PHRF1: variants seen among roughly 807,000 people sequenced by gnomAD.
The protein encoded by PHRF1 is PHD and RING finger domain-containing protein 1.
Under a neutral mutation model 128.9 loss-of-function variants are expected in PHRF1, and 53 were observed. That is an observed-to-expected ratio of 0.41 (90% CI 0.33 to 0.52). PHRF1 has a LOEUF of 0.52. Among genes scored for constraint, PHRF1 ranks in the 20% least tolerant of loss-of-function variants. The probability of loss-of-function intolerance (pLI) is 0.21; values close to 1 mark genes in which losing one functional copy is unlikely to be tolerated. For synonymous variants in PHRF1, 1,178 were observed against 980.6 expected (o/e 1.20, Z -3.76); for missense variants, 2,503 against 2,284.5 (o/e 1.10, Z -1.95).
intron 6 of PHRF1, among the ~76,000 whole-genome samples, chr11:595,573 A>G (rs1315677657): frequency 2.0e-5 from 3 of 152,108 alleles, no homozygotes; most frequent in Admixed American, 1.3e-4. Flanking sequence ...AGGTCTCGGC[A>G]GCCCTCCTTG....
At position 597,022 on chromosome 11, in the gene PHRF1, T is replaced by A. The variant is rs1170994673; in HGVS notation, c.718+2T>A. The A allele has an allele frequency of 6.2e-7, 1 of 1,613,210 alleles. No homozygotes were observed. The highest frequency in any genetic ancestry group is 1.3e-5 in the African/African-American group (1 of 74,882). ...CGCCTGGTGTTGTCCTTGCCGCTGG[T>A]AAGGACACTGCTCCCGTCCCAAGGC... On this transcript the variant is annotated splice_donor_variant, in intron 7 of 17. Coordinates refer to ENST00000264555, the MANE Select transcript of PHRF1 (RefSeq NM_001286581.2). LOFTEE classifies it high-confidence loss of function. This position sits in a 1 kb window ranked among gnomAD's most constrained non-coding sequence, Gnocchi z 6.5.
rs766373742 is a variant in PHRF1 at position 611,690 on chromosome 11, G to A, written c.4863G>A (p.Lys1621=). 63 of 1,613,070 alleles carry A rather than the reference G, an allele frequency of 3.9e-5. No individual in the cohort carries two copies. The highest frequency in any genetic ancestry group is 4.8e-5 in the Non-Finnish European group (57 of 1,179,856). ...INPVKVANLV[K]AYVDKYRHMR... ...CCGTGAAGGTGGCCAACCTGGTGAA[G>A]GCGTACGTGGACAAGTACAGGCACA... Residue 1621 remains lysine, a synonymous_variant, in exon 18 of 18, where the codon AAG becomes AAA. Coordinates refer to ENST00000264555, the MANE Select transcript of PHRF1 (RefSeq NM_001286581.2).
chr11:608,091 G>A lies in PHRF1; in HGVS notation c.2635G>A (p.Val879Ile), dbSNP rs764078967. 8.7e-6 allele frequency: 14 copies of A among 1,611,562 alleles called. No homozygotes were observed. The African/African-American group carries it at 1.1e-4, about 12-fold the overall frequency. The part of the protein sequence containing the change: ...KAQTVQAVRC[V>I]TSYTVESIFG... Reference sequence around the variant, plus strand: ...CCAGACGGTGCAGGCTGTGCGCTGCGTCACCTCCTACACGGTGGAGAGCAT... The same window carrying A: ...CCAGACGGTGCAGGCTGTGCGCTGCATCACCTCCTACACGGTGGAGAGCAT... Residue 879 changes from valine (V) to isoleucine (I), a missense_variant, in exon 14 of 18, where the codon GTC becomes ATC. Val to Ile is a conservative substitution (Grantham distance 29). Coordinates refer to ENST00000264555, the MANE Select transcript of PHRF1 (RefSeq NM_001286581.2).
At position 605,710 on chromosome 11, in the gene PHRF1, C is replaced by T. The variant is rs368379321; in HGVS notation, c.1440C>T (p.Ser480=). 88 of 1,611,246 alleles carry T rather than the reference C, an allele frequency of 5.5e-5. No homozygotes were observed. The highest frequency in any genetic ancestry group is 6.4e-5 in the Non-Finnish European group (76 of 1,179,652). The change falls in exon 12 of 18, where the codon TCC becomes TCT. Residue 480 remains serine, a synonymous_variant. Coordinates refer to ENST00000264555, the MANE Select transcript of PHRF1 (RefSeq NM_001286581.2). ...QSHQPVARPV[S]VGLSRRRLPA... ...ACCAGCCCGTGGCCAGGCCCGTCTC[C>T]GTGGGGCTTTCCAGGTGTGTGAGGG...
At chr11:596,499 G>A (rs60676339) in intron 6 of PHRF1, among the ~76,000 whole-genome samples, 1 of 152,216 alleles carries the variant, frequency 6.6e-6, no homozygotes, top group East Asian at 1.9e-4. Context: ...CTGTCGGCCT[G>A]TGGGTGTGTG....
chr11:582,154 T>A lies in PHRF1; in HGVS notation c.214+73T>A, dbSNP rs1170630953. 1.9e-6 allele frequency: 3 copies of A among 1,543,788 alleles called. No individual in the cohort carries two copies. The East Asian group carries it at 7.4e-5, about 38-fold the overall frequency. On this transcript the variant is annotated intron_variant, in intron 3 of 17. Transcript: ENST00000264555. ...GATGGGGACAGCCTTTTATAACACATCCTCCGTGAGAGTGCTGTCACCACA... is the reference window on the plus strand; with the variant it reads ...GATGGGGACAGCCTTTTATAACACAACCTCCGTGAGAGTGCTGTCACCACA...
At chr11:586,696 A>G (rs12803132) in intron 3 of PHRF1, among the ~76,000 whole-genome samples, 33,315 of 152,160 alleles carry the variant, frequency 0.22, 3,826 homozygotes, top group African/African-American at 0.26. Context: ...GTAGCCTCAG[A>G]ACCACTCCGA....
At position 601,706 on chromosome 11, in the gene PHRF1, G is replaced by A. The variant is rs777667679; in HGVS notation, c.1152+5G>A. On this transcript the variant is annotated splice_donor_5th_base_variant and intron_variant, in intron 10 of 17. Coordinates refer to ENST00000264555, the MANE Select transcript of PHRF1 (RefSeq NM_001286581.2). ...AGAAGAGGGAAGAAGGTAAAGGTGAGCATTGGGTGGCAGGGCCTGAGTCTC... is the reference window on the plus strand; with the variant it reads ...AGAAGAGGGAAGAAGGTAAAGGTGAACATTGGGTGGCAGGGCCTGAGTCTC... The A allele has an allele frequency of 6.2e-7, 1 of 1,613,660 alleles. No individual in the cohort carries two copies. Among genetic ancestry groups the A allele is most frequent in the South Asian group, 1.1e-5 (1 of 91,052 alleles).
In PHRF1 at chr11:597,052, A is replaced by G. The variant is rs762016631; in HGVS notation, c.718+32A>G. ...ACACTGCTCCCGTCCCAAGGCGCAC[A>G]TGGGCCTTCTCACTGTCCACTCTGC... On this transcript the variant is annotated intron_variant, in intron 7 of 17. Coordinates refer to ENST00000264555, the MANE Select transcript of PHRF1 (RefSeq NM_001286581.2). The surrounding 1 kb of genome is among the most constrained non-coding windows in gnomAD (Gnocchi z 6.5). 3.8e-6 allele frequency: 6 copies of G among 1,598,700 alleles called. No homozygotes were observed. The highest frequency in any genetic ancestry group is 2.2e-5 in the South Asian group (2 of 90,266).
Position 607,294 on chromosome 11 carries a change from C to T in PHRF1, c.1838C>T (p.Ala613Val). 1 of 1,612,718 alleles carries T rather than the reference C, an allele frequency of 6.2e-7. No homozygotes were observed. Among genetic ancestry groups the T allele is most frequent in the South Asian group, 1.1e-5 (1 of 91,090 alleles). Residue 613 changes from alanine to valine, a missense_variant, in exon 14 of 18, where the codon GCT becomes GTT. Physicochemically the swap from Ala to Val is moderately conservative, Grantham distance 64. Transcript: ENST00000264555. Reference sequence around the variant, plus strand: ...CCAGCAGCCCCTGGGGCGGTTCAGGCTCGGAACTTGTCAAATGGGAGTGTG... The same window carrying T: ...CCAGCAGCCCCTGGGGCGGTTCAGGTTCGGAACTTGTCAAATGGGAGTGTG... ...DLPAAPGAVQ[A>V]RNLSNGSVPG...
chr11:598,339 A>G (rs1442275921), intron 8 of PHRF1, 34 bp from the exon 9 acceptor site: 6 of 1,597,288 alleles, frequency 3.8e-6, no homozygotes, highest in Admixed American at 1.7e-5. Flanking sequence ...TGAGGCCCCA[A>G]GGGCATCTGA....
chr11:592,993 G>T (rs1009937830), intron 6 of PHRF1, among the ~76,000 whole-genome samples: 1 of 152,222 alleles, frequency 6.6e-6, no homozygotes, highest in African/African-American at 2.4e-5. Flanking sequence ...CGGCCTTTGT[G>T]GGGGAGGGGT....
chr11:584,725 G>A (rs1291754813), intron 3 of PHRF1, among the ~76,000 whole-genome samples: 3 of 149,658 alleles, frequency 2.0e-5, no homozygotes, highest in Admixed American at 1.3e-4. Flanking sequence ...TATTTCTCCA[G>A]GACCTTTTTT....
At chr11:599,888 C>G (rs1449725221) in intron 9 of PHRF1, among the ~76,000 whole-genome samples, 1 of 152,160 alleles carries the variant, frequency 6.6e-6, no homozygotes, top group Non-Finnish European at 1.5e-5. Context: ...CAGCACAGTA[C>G]TCTGGGAATC....
rs1182152379 is a variant in PHRF1 at position 608,228 on chromosome 11, G to C, written c.2772G>C (p.Glu924Asp). Reference protein sequence around the residue: ...ASDTEREEPTESQGLAARLRR... With the variant: ...ASDTEREEPTDSQGLAARLRR... ...ACACGGAGCGAGAGGAGCCCACAGA[G>C]AGCCAGGGCCTGGCTGCCCGGCTGC... The change falls in exon 14 of 18, where the codon GAG (glutamate) becomes GAC (aspartate). Residue 924 changes from glutamate to aspartate, a missense_variant. By Grantham distance (45) the Glu-to-Asp change is conservative. Coordinates refer to ENST00000264555, the MANE Select transcript of PHRF1 (RefSeq NM_001286581.2). 2 of 1,609,806 alleles carry C rather than the reference G, an allele frequency of 1.2e-6. No individual in the cohort carries two copies. The highest frequency in any genetic ancestry group is 2.2e-5 in the South Asian group (2 of 91,076).
intron 4 of PHRF1, among the ~76,000 whole-genome samples, chr11:589,876 T>G (rs1854841717): frequency 7.4e-6 from 1 of 135,948 alleles, no homozygotes; most frequent in African/African-American, 2.9e-5. Context: ...GGGCTCAGCC[T>G]GAGAATGTCT....
intron 1 of PHRF1, among the ~76,000 whole-genome samples, chr11:578,040 G>C (rs371501298): frequency 1.3e-5 from 2 of 152,260 alleles, no homozygotes; most frequent in East Asian, 1.9e-4. Flanking sequence ...CTGCAGAAAT[G>C]GCTTCCTGGC....
intron 9 of PHRF1, among the ~76,000 whole-genome samples, chr11:601,184 C>T (rs1017961778): frequency 6.6e-6 from 1 of 152,060 alleles, no homozygotes; most frequent in Non-Finnish European, 1.5e-5. Flanking sequence ...GTGGCTCACA[C>T]CTGTAATCCT....
intron 14 of PHRF1, 136 bp from the exon 15 acceptor site, chr11:610,060 T>C (rs1856268339): frequency 8.5e-7 from 1 of 1,174,022 alleles, no homozygotes; most frequent in Non-Finnish European, 1.2e-6. Context: ...AACCTCCCCT[T>C]GGTGCTGGGG....
Sources: allele counts gnomAD v4.1 joint callset (sites outside exome capture counted in the v4.1 genomes callset), GRCh38; gene constraint gnomAD v4.1.1; non-coding constraint Gnocchi (gnomAD v3.1); transcripts MANE v1.5; gene names NCBI Gene and HGNC (gene_info 2026-07-23, HGNC 2026-07-21).